The following DLGAP1 variants were observed in gnomAD, a reference collection of about 807,000 sequenced individuals.
DLGAP1 encodes the protein DLG associated protein 1.
In DLGAP1, 11 loss-of-function variants were observed where a neutral mutation model predicts 90.8. The observed-to-expected ratio is 0.12, with a 90% CI of 0.08 to 0.20. DLGAP1 has a LOEUF of 0.20. DLGAP1 is among the 10% of genes least tolerant of loss of function. The pLI, the probability that DLGAP1 is intolerant of heterozygous loss-of-function variation, is 1.00. For synonymous variants in DLGAP1, 558 were observed against 540.7 expected (o/e 1.03, Z -0.44); for missense variants, 1,050 against 1,333.8 (o/e 0.79, Z 3.31).
At chr18:3,867,045 G>A (rs2070436492) in intron 4 of DLGAP1, among the ~76,000 whole-genome samples, 1 of 152,042 alleles carries the variant, frequency 6.6e-6, no homozygotes, top group East Asian at 1.9e-4. Context: ...GTAGAGACGG[G>A]GTTTCACTAT....
intron 3 of DLGAP1, among the ~76,000 whole-genome samples, chr18:3,944,315 G>A (rs943867064): frequency 3.3e-5 from 5 of 152,178 alleles, no homozygotes; most frequent in Admixed American, 2.6e-4. Flanking sequence ...GGCCAAGATG[G>A]TGAAACCCCA....
intron 4 of DLGAP1, among the ~76,000 whole-genome samples, chr18:3,839,899 A>C (rs941759033): frequency 5.3e-5 from 8 of 152,184 alleles, no homozygotes; most frequent in African/African-American, 1.9e-4. Flanking sequence ...ACATTCCGCC[A>C]TCTGCTCAGA....
chr18:3,544,128 G>A (rs2052870540), intron 9 of DLGAP1, among the ~76,000 whole-genome samples: 1 of 152,176 alleles, frequency 6.6e-6, no homozygotes, highest in Non-Finnish European at 1.5e-5. Context: ...GGTGGCTCAC[G>A]CCTGTAATCC....
At chr18:3,522,327 G>C (rs1286851105) in intron 10 of DLGAP1, among the ~76,000 whole-genome samples, 1 of 151,626 alleles carries the variant, frequency 6.6e-6, no homozygotes, top group African/African-American at 2.4e-5. Context: ...AGTAGAGACG[G>C]GGTTTCACCA....
At chr18:3,668,834 C>G (rs1178487262) in intron 7 of DLGAP1, among the ~76,000 whole-genome samples, 1 of 152,068 alleles carries the variant, frequency 6.6e-6, no homozygotes, top group African/African-American at 2.4e-5. Flanking sequence ...CCCGTCTCTA[C>G]TAAAAATACA....
intron 1 of DLGAP1, among the ~76,000 whole-genome samples, chr18:4,247,366 A>G (rs1598719226): frequency 6.6e-6 from 1 of 152,296 alleles, no homozygotes; most frequent in East Asian, 1.9e-4. Context: ...CCTGGCTAGT[A>G]AGGAAGAGAA....
intron 7 of DLGAP1, among the ~76,000 whole-genome samples, chr18:3,659,433 A>ACG (rs1052809701): frequency 1.5e-5 from 2 of 130,026 alleles, no homozygotes; most frequent in African/African-American, 6.6e-5. Flanking sequence ...ACACACACAC[A>ACG]CGGATGCTAC....
At chr18:4,271,043 T>C (rs1192735400) in intron 1 of DLGAP1, among the ~76,000 whole-genome samples, 1 of 152,156 alleles carries the variant, frequency 6.6e-6, no homozygotes, top group Non-Finnish European at 1.5e-5. Context: ...TGACTCATAT[T>C]CCAGAAGACA....
chr18:4,090,371 A>C (rs1450054935), intron 2 of DLGAP1, among the ~76,000 whole-genome samples: 2 of 152,174 alleles, frequency 1.3e-5, no homozygotes, highest in Non-Finnish European at 2.9e-5. Context: ...TAATATCCAG[A>C]ATCTACAAGG....
In DLGAP1 at chr18:4,235,719, CTT is replaced by C. The variant is rs1175101805; in HGVS notation, c.-266-84434_-266-84433del. 9.2e-3 allele frequency among the ~76,000 whole-genome samples: 739 copies of C among 80,136 alleles called. 1 individual carries two copies. Among genetic ancestry groups the C allele is most frequent in the African/African-American group, 0.035 (689 of 19,708 alleles). 52.6% of individuals were successfully genotyped at this position (80,136 alleles called of 152,430 possible). On this transcript the variant is annotated intron_variant, in intron 1 of 12. Transcript: ENST00000315677. ...GTTTTATAAATTTCAATTTCAATGT[CTT>C]TTTTTTTTTTTTTTTTTTTTTTGAG...
At chr18:4,183,865 A>G (rs145468609) in intron 1 of DLGAP1, among the ~76,000 whole-genome samples, 115 of 152,252 alleles carry the variant, frequency 7.6e-4, no homozygotes, top group Non-Finnish European at 1.3e-3. Flanking sequence ...ATATGGCCTA[A>G]GTAGCCTTTT....
At chr18:3,731,902 T>C (rs2062446821) in intron 6 of DLGAP1, among the ~76,000 whole-genome samples, 1 of 152,088 alleles carries the variant, frequency 6.6e-6, no homozygotes, top group African/African-American at 2.4e-5. Context: ...CATGCCCCCA[T>C]ATTCACAATC....
At chr18:3,588,491 A>T (rs1252426462) in intron 7 of DLGAP1, among the ~76,000 whole-genome samples, 2 of 151,238 alleles carry the variant, frequency 1.3e-5, no homozygotes, top group African/African-American at 4.9e-5. Flanking sequence ...TTTAAGAAAG[A>T]CATTATACGG....
At chr18:4,105,613 A>G (rs899355561) in intron 2 of DLGAP1, among the ~76,000 whole-genome samples, 1 of 152,252 alleles carries the variant, frequency 6.6e-6, no homozygotes, top group African/African-American at 2.4e-5. Context: ...GGTTAACCCA[A>G]AGAAACATGT....
At chr18:4,443,030 C>T (rs767310833) in intron 1 of DLGAP1, among the ~76,000 whole-genome samples, 18 of 152,112 alleles carry the variant, frequency 1.2e-4, no homozygotes, top group African/African-American at 1.9e-4. Flanking sequence ...TCTCCAATAG[C>T]GGACATCTTC....
intron 1 of DLGAP1, among the ~76,000 whole-genome samples, chr18:4,415,091 A>C (rs950266677): frequency 1.3e-5 from 2 of 152,112 alleles, no homozygotes; most frequent in South Asian, 2.1e-4. Context: ...TTGATATTAG[A>C]GGAACAATCT....
rs1421909073 is a variant in DLGAP1, at chr18:4,201,008, C to G, written c.-266-49721G>C. On this transcript the variant is annotated intron_variant, in intron 1 of 12. Coordinates refer to ENST00000315677, the MANE Select transcript of DLGAP1 (RefSeq NM_004746.4). ...GAGAATCTGCTCTGCTCAACTCCTC[C>G]ACTAGACTTTAGGTAAAATTTGATT... is the stretch of plus-strand genomic sequence containing the variant. Among the ~76,000 whole-genome samples the G allele has an allele frequency of 3.3e-5, 5 of 152,212 alleles. No homozygotes were observed. The East Asian group carries it at 9.6e-4, about 29-fold the overall frequency.
At chr18:3,798,293 A>G (rs2066111241) in intron 5 of DLGAP1, among the ~76,000 whole-genome samples, 1 of 152,204 alleles carries the variant, frequency 6.6e-6, no homozygotes, top group East Asian at 1.9e-4. Context: ...AGAGACACAA[A>G]AGCAGCCACA....
At chr18:4,391,402 TCTTG>T (rs1464682762) in intron 1 of DLGAP1, among the ~76,000 whole-genome samples, 1 of 152,172 alleles carries the variant, frequency 6.6e-6, no homozygotes, top group African/African-American at 2.4e-5. Flanking sequence ...CATCTCAATT[TCTTG>T]CTTAAGAAAT....
Sources: gnomAD v4.1 joint callset for allele counts (sites outside exome capture counted in the v4.1 genomes callset) on GRCh38, gnomAD v4.1.1 for gene constraint, MANE v1.5 for transcripts, NCBI Gene and HGNC (gene_info 2026-07-23, HGNC 2026-07-21) for gene names.